CPQ: variants seen among roughly 807,000 people sequenced by gnomAD.
CPQ encodes carboxypeptidase Q, also known as Ser-Met dipeptidase.
A neutral mutation model predicts 45.7 loss-of-function variants in CPQ; 37 were observed. The observed-to-expected ratio is 0.81, with a 90% CI of 0.62 to 1.07. The LOEUF (loss-of-function observed/expected upper bound fraction) is 1.07. CPQ is among the 50% of genes least tolerant of loss of function. The probability of loss-of-function intolerance (pLI) is 0.00; values close to 1 mark genes in which losing one functional copy is unlikely to be tolerated. For synonymous variants in CPQ, 186 were observed against 205.8 expected (o/e 0.90, Z 0.82); for missense variants, 537 against 572.9 (o/e 0.94, Z 0.64).
chr8:96,863,677 G>T (rs117669741), intron 3 of CPQ, among the ~76,000 whole-genome samples: 1 of 152,080 alleles, frequency 6.6e-6, no homozygotes, highest in East Asian at 1.9e-4. Context: ...TTTGTTTAGT[G>T]TTTCAGGAAA....
chr8:96,997,486 T>TA (rs1809197360), intron 5 of CPQ, among the ~76,000 whole-genome samples: 1 of 152,028 alleles, frequency 6.6e-6, no homozygotes, highest in East Asian at 1.9e-4. Flanking sequence ...TGTGTTTTCA[T>TA]AAATGTATTT....
chr8:96,791,405 A>T (rs1010290579), intron 2 of CPQ, among the ~76,000 whole-genome samples: 6 of 151,854 alleles, frequency 4.0e-5, no homozygotes, highest in Admixed American at 3.9e-4. Context: ...TCTTATTCCC[A>T]TTTCTTTCTC....
chr8:96,855,379 G>A (rs566973531), intron 3 of CPQ, among the ~76,000 whole-genome samples: 2 of 152,180 alleles, frequency 1.3e-5, no homozygotes, highest in East Asian at 3.9e-4. Context: ...TCATGATCTG[G>A]TATCAGATCA....
chr8:96,983,751 T>C (rs1221038905), intron 5 of CPQ, among the ~76,000 whole-genome samples: 1 of 152,094 alleles, frequency 6.6e-6, no homozygotes, highest in Non-Finnish European at 1.5e-5. Context: ...AGACCTTCTT[T>C]ATCCTTAATG....
intron 5 of CPQ, among the ~76,000 whole-genome samples, chr8:97,018,355 T>C (rs1809617857): frequency 6.6e-6 from 1 of 152,206 alleles, no homozygotes; most frequent in Non-Finnish European, 1.5e-5. Context: ...AAAATCACAC[T>C]AGCTCACCAA....
intron 5 of CPQ, among the ~76,000 whole-genome samples, chr8:97,017,168 G>T (rs1193002331): frequency 6.6e-6 from 1 of 152,130 alleles, no homozygotes; most frequent in African/African-American, 2.4e-5. Context: ...TCTAGAGTAC[G>T]GGAGAAGATT....
chr8:96,822,845 C>T (rs1811329733), intron 2 of CPQ, among the ~76,000 whole-genome samples: 1 of 152,012 alleles, frequency 6.6e-6, no homozygotes, highest in African/African-American at 2.4e-5. Flanking sequence ...TTAAATATCT[C>T]CTCAGAGAAG....
chr8:96,854,720 G>T (rs1811823935), intron 3 of CPQ, among the ~76,000 whole-genome samples: 1 of 151,844 alleles, frequency 6.6e-6, no homozygotes, highest in Non-Finnish European at 1.5e-5. Flanking sequence ...AAATCTTCAG[G>T]GTGAGTCAGC....
intron 6 of CPQ, among the ~76,000 whole-genome samples, chr8:97,043,369 C>A (rs927144648): frequency 2.6e-5 from 4 of 151,624 alleles, no homozygotes; most frequent in Non-Finnish European, 4.4e-5. Flanking sequence ...TTATTTTGAG[C>A]CTATGTGTGT....
intron 1 of CPQ, among the ~76,000 whole-genome samples, chr8:96,653,392 T>C (rs1056438702): frequency 6.6e-6 from 1 of 152,150 alleles, no homozygotes; most frequent in African/African-American, 2.4e-5. Context: ...TTCAGGCTCT[T>C]TGTCCATTTT....
chr8:97,136,543 G>T lies in CPQ; in HGVS notation c.1256-6477G>T, dbSNP rs541909549. Among the ~76,000 whole-genome samples the T allele has an allele frequency of 1.6e-3, 237 of 152,230 alleles. 1 individual carries two copies. The highest frequency in any genetic ancestry group is 5.2e-3 in the African/African-American group (214 of 41,534). On this transcript the variant is annotated intron_variant, in intron 7 of 7. Transcript: ENST00000220763. ...ACATCATTCTTTCAAAGTCACCCAGGTTTTAAGCAGAAGAATTTGAATTTG... is the reference window on the plus strand; with the variant it reads ...ACATCATTCTTTCAAAGTCACCCAGTTTTTAAGCAGAAGAATTTGAATTTG...
chr8:96,834,279 C>T (rs1176925270), intron 2 of CPQ, among the ~76,000 whole-genome samples: 1 of 152,138 alleles, frequency 6.6e-6, no homozygotes, highest in Non-Finnish European at 1.5e-5. Flanking sequence ...AGGATTATAG[C>T]GCCATTACAC....
intron 7 of CPQ, among the ~76,000 whole-genome samples, chr8:97,132,073 G>A (rs752001213): frequency 4.6e-5 from 7 of 152,114 alleles, no homozygotes; most frequent in African/African-American, 1.7e-4. Context: ...CTTTTTAAAG[G>A]TTGTAAAGAA....
intron 6 of CPQ, among the ~76,000 whole-genome samples, chr8:97,060,694 A>G (rs779942627): frequency 6.6e-5 from 10 of 152,292 alleles, no homozygotes; most frequent in Non-Finnish European, 1.3e-4. Flanking sequence ...CCTACACCCT[A>G]TAAACAAGAG....
At position 96,968,782 on chromosome 8, in the gene CPQ, T is replaced by G. The variant is rs560361180; in HGVS notation, c.961+2736T>G. Among the ~76,000 whole-genome samples, 8 of 152,342 alleles carry G rather than the reference T, an allele frequency of 5.3e-5. No individual in the cohort carries two copies. In the East Asian group the frequency reaches 1.5e-3, roughly 29 times the overall value. On this transcript the variant is annotated intron_variant, in intron 5 of 7. Transcript: ENST00000220763. ...TCTTTGTCTTCCCCTCTCACCACTC[T>G]TATAGATTCACTTTTTTGCTCAAGC... is the stretch of plus-strand genomic sequence containing the variant.
chr8:96,936,920 G>A (rs957257269), intron 4 of CPQ, among the ~76,000 whole-genome samples: 1 of 152,016 alleles, frequency 6.6e-6, no homozygotes, highest in Non-Finnish European at 1.5e-5. Flanking sequence ...CATTTATTTT[G>A]TATTGTCATA....
Position 96,901,959 on chromosome 8 carries a change from C to G in CPQ, c.849+21954C>G, listed in dbSNP as rs147269450. Among the ~76,000 whole-genome samples the G allele has an allele frequency of 8.0e-4, 122 of 152,218 alleles. 1 individual carries two copies. In the East Asian group the frequency reaches 0.016, roughly 20 times the overall value. On this transcript the variant is annotated intron_variant, in intron 4 of 7. Coordinates refer to ENST00000220763, the MANE Select transcript of CPQ (RefSeq NM_016134.4). ...TTTCCAACTGTCTAACAAAACATGT[C>G]AAAAATTTCATATTTGTCGTTCCAG...
intron 6 of CPQ, among the ~76,000 whole-genome samples, chr8:97,062,992 T>C (rs982779468): frequency 1.3e-5 from 2 of 152,210 alleles, no homozygotes; most frequent in African/African-American, 4.8e-5. Flanking sequence ...AACTGGTATA[T>C]ACCCAGTAAT....
intron 1 of CPQ, among the ~76,000 whole-genome samples, chr8:96,646,203 A>G (rs921462257): frequency 6.6e-6 from 1 of 151,892 alleles, no homozygotes. Context: ...AAAGAGTTCT[A>G]TGCTGTTCAA....
Sources: allele counts gnomAD v4.1 joint callset (sites outside exome capture counted in the v4.1 genomes callset), GRCh38; gene constraint gnomAD v4.1.1; transcripts MANE v1.5; gene names NCBI Gene and HGNC (gene_info 2026-07-23, HGNC 2026-07-21).